ZBTB16: variants seen among roughly 807,000 people sequenced by gnomAD.
ZBTB16 encodes the protein zinc finger and BTB domain containing 16.
A neutral mutation model predicts 56.8 loss-of-function variants in ZBTB16; 8 were observed. The ratio of observed to expected loss-of-function variants is 0.14; its 90% CI spans 0.08 to 0.25. The LOEUF is 0.25. Among genes scored for constraint, ZBTB16 ranks in the 10% least tolerant of loss-of-function variants. The pLI is 1.00. For synonymous variants in ZBTB16, 363 were observed against 368.5 expected (o/e 0.98, Z 0.17); for missense variants, 625 against 903.0 (o/e 0.69, Z 3.95).
At position 114,116,474 on chromosome 11, in the gene ZBTB16, A is replaced by C. The variant is rs575176394; in HGVS notation, c.1269-39863A>C. 3.3e-5 allele frequency among the ~76,000 whole-genome samples: 5 copies of C among 152,326 alleles called. No homozygotes were observed. The East Asian group carries it at 9.6e-4, about 29-fold the overall frequency. On this transcript the variant is annotated intron_variant, in intron 2 of 6. Transcript: ENST00000335953. The stretch of plus-strand genomic sequence containing the variant: ...CAGCTCAGAAGATGGATATTTGGGC[A>C]TTTGAAAACCTCTCAGGGCCTCCTA...
intron 5 of ZBTB16, 125 bp from the exon 6 acceptor site, chr11:114,247,073 A>T: frequency 8.0e-7 from 1 of 1,251,280 alleles, no homozygotes; most frequent in Non-Finnish European, 1.2e-6. Context: ...GTGGATCCTT[A>T]AGTTGTCTTT....
intron 3 of ZBTB16, among the ~76,000 whole-genome samples, chr11:114,162,690 A>T (rs190538288): frequency 2.6e-5 from 4 of 151,946 alleles, no homozygotes; most frequent in Admixed American, 2.6e-4. Flanking sequence ...ATGTTCCTTG[A>T]CTCCCTCCAC....
chr11:114,117,678 A>T (rs938405940), intron 2 of ZBTB16, among the ~76,000 whole-genome samples: 1 of 152,154 alleles, frequency 6.6e-6, no homozygotes, highest in African/African-American at 2.4e-5. Context: ...GGTCTTGGAA[A>T]AACTATATAG....
chr11:114,142,194 A>T (rs1941968357), intron 2 of ZBTB16, among the ~76,000 whole-genome samples: 1 of 152,170 alleles, frequency 6.6e-6, no homozygotes, highest in Non-Finnish European at 1.5e-5. Flanking sequence ...TTCTTGTGGC[A>T]GCGGTGGTTA....
At chr11:114,090,065 C>T (rs764376659) in intron 2 of ZBTB16, among the ~76,000 whole-genome samples, 1 of 152,228 alleles carries the variant, frequency 6.6e-6, no homozygotes, top group African/African-American at 2.4e-5. Flanking sequence ...TCTAGGTCAT[C>T]TCATGGCTCT....
chr11:114,131,727 C>G (rs1285682662), intron 2 of ZBTB16, among the ~76,000 whole-genome samples: 6 of 152,162 alleles, frequency 3.9e-5, no homozygotes, highest in African/African-American at 1.4e-4. Context: ...GTAGCACTTT[C>G]TAATGATGCA....
intron 2 of ZBTB16, among the ~76,000 whole-genome samples, chr11:114,154,387 G>T (rs1038194376): frequency 3.3e-4 from 50 of 152,092 alleles, no homozygotes; most frequent in African/African-American, 1.2e-3. Context: ...GACTGTGTGC[G>T]AGTTCACCTG....
At chr11:114,089,769 A>G (rs748960069) in intron 2 of ZBTB16, among the ~76,000 whole-genome samples, 8 of 152,210 alleles carry the variant, frequency 5.3e-5, no homozygotes, top group Admixed American at 2.0e-4. Flanking sequence ...AGAATTTGTG[A>G]ACCTGGTATA....
intron 2 of ZBTB16, among the ~76,000 whole-genome samples, chr11:114,076,053 G>A (rs548282153): frequency 2.0e-5 from 3 of 152,234 alleles, no homozygotes; most frequent in Non-Finnish European, 4.4e-5. Flanking sequence ...TGCTGCTGTT[G>A]CTGCCGCTGC....
rs1943729732 is a variant in ZBTB16 at position 114,201,223 on chromosome 11, C to T, written c.1453+14185C>T. 2.0e-5 allele frequency among the ~76,000 whole-genome samples: 3 copies of T among 151,934 alleles called. No individual in the cohort carries two copies. In the South Asian group the frequency reaches 6.2e-4, roughly 32 times the overall value. On this transcript the variant is annotated intron_variant, in intron 4 of 6. Transcript: ENST00000335953. Reference sequence around the variant, plus strand: ...AACAGAGGCAGGGTAAGTAGAGGTACCCAAAGGGAGTGGAGGTGGGAGGAG... The same window carrying T: ...AACAGAGGCAGGGTAAGTAGAGGTATCCAAAGGGAGTGGAGGTGGGAGGAG...
chr11:114,093,353 C>T (rs1940262633), intron 2 of ZBTB16, among the ~76,000 whole-genome samples: 1 of 151,488 alleles, frequency 6.6e-6, no homozygotes. Flanking sequence ...GGGGATGTTG[C>T]TGTTTCCCTG....
At chr11:114,136,625 G>C (rs1941803821) in intron 2 of ZBTB16, among the ~76,000 whole-genome samples, 1 of 152,136 alleles carries the variant, frequency 6.6e-6, no homozygotes, top group East Asian at 1.9e-4. Flanking sequence ...GGTAGCTACA[G>C]AGATGAGCTT....
intron 3 of ZBTB16, among the ~76,000 whole-genome samples, chr11:114,165,928 A>G (rs1403281293): frequency 6.6e-6 from 1 of 152,174 alleles, no homozygotes; most frequent in Non-Finnish European, 1.5e-5. Flanking sequence ...GCAGGTCGCA[A>G]TGGGCCTGGA....
rs186944453 is a variant in ZBTB16, at chr11:114,084,046, A to G, written c.1268+19478A>G. On this transcript the variant is annotated intron_variant, in intron 2 of 6. Coordinates refer to ENST00000335953, the MANE Select transcript of ZBTB16 (RefSeq NM_006006.6). The stretch of plus-strand genomic sequence containing the variant: ...GTGGAAGAACCAGGCTCTCACCTCC[A>G]TTGTTTAAGATGTTATGTTTCTACT... Among the ~76,000 whole-genome samples, 354 of 152,242 alleles carry G rather than the reference A, an allele frequency of 2.3e-3. 2 individuals carry two copies. The highest frequency in any genetic ancestry group is 8.3e-3 in the African/African-American group (346 of 41,550).
chr11:114,064,419 G>A lies in ZBTB16; in HGVS notation c.1119G>A (p.Gly373=), dbSNP rs748446619. ...CCATGGACTTCAGCACCTATGGGGGGCTGCTGCCCCAGGGCTTCATCCAGA... is the reference window on the plus strand; with the variant it reads ...CCATGGACTTCAGCACCTATGGGGGACTGCTGCCCCAGGGCTTCATCCAGA... ...AVSMDFSTYG[G]LLPQGFIQRE... The change falls in exon 2 of 7, where the codon GGG becomes GGA. Residue 373 remains glycine, a synonymous_variant. Transcript: ENST00000335953. This position sits in a 1 kb window ranked among gnomAD's most constrained non-coding sequence, Gnocchi z 4.2. 4 of 1,614,096 alleles carry A rather than the reference G, an allele frequency of 2.5e-6. No individual in the cohort carries two copies. The highest frequency in any genetic ancestry group is 3.4e-6 in the Non-Finnish European group (4 of 1,180,034).
chr11:114,161,184 G>A (rs1224041860), intron 3 of ZBTB16, among the ~76,000 whole-genome samples: 1 of 152,182 alleles, frequency 6.6e-6, no homozygotes, highest in East Asian at 1.9e-4. Flanking sequence ...GCCAGTGTAA[G>A]GTTTCCCATT....
intron 3 of ZBTB16, among the ~76,000 whole-genome samples, chr11:114,171,005 T>A (rs894096166): frequency 3.9e-5 from 6 of 152,172 alleles, no homozygotes; most frequent in Admixed American, 3.3e-4. Context: ...ATCCAGCACA[T>A]CTGAGAGAGC....
At chr11:114,147,718 A>G (rs917312641) in intron 2 of ZBTB16, among the ~76,000 whole-genome samples, 2 of 152,350 alleles carry the variant, frequency 1.3e-5, no homozygotes, top group East Asian at 1.9e-4. Flanking sequence ...CTACAAAAGT[A>G]TGTATTGATC....
chr11:114,192,313 A>G (rs1236640956), intron 4 of ZBTB16, among the ~76,000 whole-genome samples: 1 of 152,186 alleles, frequency 6.6e-6, no homozygotes, highest in Admixed American at 6.5e-5. Flanking sequence ...CATTACTTCT[A>G]CCATATTTCA....
Sources: allele counts gnomAD v4.1 joint callset (sites outside exome capture counted in the v4.1 genomes callset), GRCh38; gene constraint gnomAD v4.1.1; non-coding constraint Gnocchi (gnomAD v3.1); transcripts MANE v1.5; gene names NCBI Gene and HGNC (gene_info 2026-07-23, HGNC 2026-07-21).